Variants in ATP5PB observed in about 807,000 individuals in gnomAD.
ATP5PB encodes the protein ATP synthase peripheral stalk subunit b, mitochondrial.
In ATP5PB, 21 loss-of-function variants were observed where a neutral mutation model predicts 34.5. The observed-to-expected ratio is 0.61, with a 90% CI of 0.43 to 0.88. ATP5PB has a LOEUF of 0.88. Among genes scored for constraint, ATP5PB ranks in the 40% least tolerant of loss-of-function variants. The pLI is 0.00. For synonymous variants in ATP5PB, 108 were observed against 114.1 expected (o/e 0.95, Z 0.34); for missense variants, 293 against 317.4 (o/e 0.92, Z 0.58).
chr1:111,451,215 C>T (rs950532047), intron 2 of ATP5PB, among the ~76,000 whole-genome samples: 1 of 152,172 alleles, frequency 6.6e-6, no homozygotes, highest in African/African-American at 2.4e-5. Flanking sequence ...TCCATCCTAT[C>T]TCTTGACACC....
chr1:111,455,907 C>T (rs74972531), intron 3 of ATP5PB, among the ~76,000 whole-genome samples, 179 bp from the exon 4 acceptor site: 2,039 of 152,300 alleles, frequency 0.013, 43 homozygotes, highest in African/African-American at 0.047. Flanking sequence ...ACAGATTTCC[C>T]TGAGTCCATA....
At chr1:111,456,380 G>A (rs1358151033) in intron 4 of ATP5PB, 131 bp downstream of exon 4, 8 of 1,130,470 alleles carry the variant, frequency 7.1e-6, no homozygotes, top group African/African-American at 1.6e-5. Flanking sequence ...AAGTGTTAAC[G>A]TTAGTTACTA....
Position 111,462,566 on chromosome 1 carries a change from C to A in ATP5PB, c.*1572C>A, listed in dbSNP as rs570968197. The A allele has an allele frequency of 6.6e-6, 1 of 152,034 alleles. No homozygotes were observed. Among genetic ancestry groups the A allele is most frequent in the South Asian group, 2.1e-4 (1 of 4,828 alleles). 9.4% of individuals were successfully genotyped at this position (152,034 alleles called of 1,614,324 possible). On this transcript the variant is annotated 3_prime_UTR_variant, in exon 7 of 7. Coordinates refer to ENST00000369722, the MANE Select transcript of ATP5PB (RefSeq NM_001688.5). ...TATTTGTATTCAAATGGACAAATTA[C>A]GCAATAGGAAATATTTGAAAATATT...
In ATP5PB at chr1:111,456,112, A is replaced by T; in HGVS notation, c.250A>T (p.Ile84Phe). The T allele has an allele frequency of 6.2e-7, 1 of 1,608,800 alleles. No homozygotes were observed. Among genetic ancestry groups the T allele is most frequent in the Non-Finnish European group, 8.5e-7 (1 of 1,177,940 alleles). The change falls in exon 4 of 7, where the codon ATC becomes TTC. Residue 84 changes from isoleucine to phenylalanine, a missense_variant. By Grantham distance (21) the Ile-to-Phe change is conservative. Transcript: ENST00000369722. Reference protein sequence around the residue: ...TGPYVLGTGLILYALSKEIYV... With the variant: ...TGPYVLGTGLFLYALSKEIYV... ...ACCCTATGTACTCGGAACTGGGCTT[A>T]TCTTGTACGCTTTATCCAAAGAAAT...
Position 111,449,722 on chromosome 1 carries a change from C to T in ATP5PB, c.41-115C>T, listed in dbSNP as rs184559836. The T allele has an allele frequency of 4.6e-5, 73 of 1,572,770 alleles. 1 individual carries two copies. The East Asian group carries it at 1.6e-3, about 35-fold the overall frequency. On this transcript the variant is annotated intron_variant, in intron 1 of 6. Transcript: ENST00000369722. ...TGCAGTTCGGAAGGGAGCGTGGGGT[C>T]TTGAGGGACGGGAAAGAGGGGTACA...
rs1240989272 is a variant in ATP5PB at position 111,454,463 on chromosome 1, TTGTTG to T, written c.223+109_223+113del. 241 of 1,389,418 alleles carry T rather than the reference TTGTTG, an allele frequency of 1.7e-4. No individual in the cohort carries two copies. The African/African-American group carries it at 4.1e-3, about 24-fold the overall frequency. 86.1% of individuals were successfully genotyped at this position (1,389,418 alleles called of 1,614,324 possible). On this transcript the variant is annotated intron_variant, in intron 3 of 6. Coordinates refer to ENST00000369722, the MANE Select transcript of ATP5PB (RefSeq NM_001688.5). ...TTTGTTGTTGTTGTTGTTGTTGTTG[TTGTTG>T]TTTTTTGAGACAGGGTATTACTCTA...
In ATP5PB at chr1:111,459,496, C is replaced by T. The variant is rs760514793; in HGVS notation, c.553C>T (p.Arg185Ter). The T allele has an allele frequency of 5.0e-6, 8 of 1,611,934 alleles. No homozygotes were observed. The highest frequency in any genetic ancestry group is 1.7e-5 in the Admixed American group (1 of 59,832). The change falls in exon 6 of 7, where the codon CGA becomes TGA. Residue 185 changes from arginine to a stop codon, truncating the protein, a stop_gained. Coordinates refer to ENST00000369722, the MANE Select transcript of ATP5PB (RefSeq NM_001688.5). LOFTEE classifies it high-confidence loss of function. ...GGCTTTGGAAGTTACTTACCGGGAA[C>T]GACTGTATAGAGTATATAAGGAAGT... ...AMALEVTYRE[R>*]LYRVYKEVKN...
chr1:111,459,233 A>G (rs1653553501), intron 5 of ATP5PB, among the ~76,000 whole-genome samples: 1 of 152,180 alleles, frequency 6.6e-6, no homozygotes, highest in Non-Finnish European at 1.5e-5. Flanking sequence ...CAGGAAGTTA[A>G]TGGCCTATGG....
At position 111,456,226 on chromosome 1, in the gene ATP5PB, G is replaced by A; in HGVS notation, c.364G>A (p.Asp122Asn). Reference sequence around the variant, plus strand: ...TAAAAAATATGGTCCCTTTGTTGCAGACTTTGCTGATAAACTCAATGAGGT... The same window carrying A: ...TAAAAAATATGGTCCCTTTGTTGCAAACTTTGCTGATAAACTCAATGAGGT... ...GIKKYGPFVA[D>N]FADKLNEQKL... Residue 122 changes from aspartate (D) to asparagine (N), a missense_variant, in exon 4 of 7, where the codon GAC becomes AAC. Transcript: ENST00000369722. 3.1e-6 allele frequency: 5 copies of A among 1,603,682 alleles called. No individual in the cohort carries two copies. Among genetic ancestry groups the A allele is most frequent in the Non-Finnish European group, 4.3e-6 (5 of 1,176,200 alleles).
At chr1:111,457,651 C>A (rs148461577) in intron 5 of ATP5PB, among the ~76,000 whole-genome samples, 1 of 151,978 alleles carries the variant, frequency 6.6e-6, no homozygotes, top group Non-Finnish European at 1.5e-5. Flanking sequence ...AGGATCTTGG[C>A]CAATGTGGTC....
In ATP5PB at chr1:111,460,433, A is replaced by G. The variant is rs1217050886; in HGVS notation, c.694-484A>G. ...CAGGATTAGAAAAACAGTGTCTATC[A>G]AAGTTTTTTTTTTTTTTTTGATAAA... On this transcript the variant is annotated intron_variant, in intron 6 of 6. Transcript: ENST00000369722. 1.1e-4 allele frequency among the ~76,000 whole-genome samples: 16 copies of G among 147,962 alleles called. No homozygotes were observed. The East Asian group carries it at 3.1e-3, about 29-fold the overall frequency.
intron 5 of ATP5PB, among the ~76,000 whole-genome samples, chr1:111,458,351 G>A (rs988838359): frequency 2.6e-5 from 4 of 152,178 alleles, no homozygotes; most frequent in African/African-American, 9.7e-5. Context: ...AATTGCAGGA[G>A]GAGGGAGTCA....
intron 5 of ATP5PB, among the ~76,000 whole-genome samples, chr1:111,458,248 A>G (rs571255719): frequency 9.9e-5 from 15 of 152,214 alleles, no homozygotes; most frequent in Non-Finnish European, 2.2e-4. Context: ...GCTCATGCCT[A>G]TAATCTCAGC....
chr1:111,450,408 A>G (rs549811089), intron 2 of ATP5PB, among the ~76,000 whole-genome samples: 176 of 152,342 alleles, frequency 1.2e-3, no homozygotes, highest in African/African-American at 4.0e-3. Flanking sequence ...CTCACAGTCT[A>G]GGAATGGGAG....
chr1:111,450,436 G>A (rs1190804125), intron 2 of ATP5PB, among the ~76,000 whole-genome samples: 1 of 152,214 alleles, frequency 6.6e-6, no homozygotes, highest in Non-Finnish European at 1.5e-5. Context: ...AAGAGTATTG[G>A]TTTAGAGTGA....
At chr1:111,456,585 C>T (rs1235171792) in intron 4 of ATP5PB, 45 bp from the exon 5 acceptor site, 11 of 1,579,478 alleles carry the variant, frequency 7.0e-6, no homozygotes, top group Admixed American at 3.7e-5. Context: ...CTTTTTTTAC[C>T]CTTTGTGCTT....
intron 2 of ATP5PB, among the ~76,000 whole-genome samples, chr1:111,453,887 A>G (rs1352649098): frequency 6.6e-6 from 1 of 152,240 alleles, no homozygotes; most frequent in Non-Finnish European, 1.5e-5. Context: ...TGAACTCAAG[A>G]TGCCTATCTG....
At position 111,456,123 on chromosome 1, in the gene ATP5PB, T is replaced by C; in HGVS notation, c.261T>C (p.Ala87=). Residue 87 remains alanine, a synonymous_variant, in exon 4 of 7, where the codon GCT becomes GCC. Transcript: ENST00000369722. ...YVLGTGLILY[A]LSKEIYVISA... is the part of the protein sequence containing the mutation. ...TCGGAACTGGGCTTATCTTGTACGC[T>C]TTATCCAAAGAAATATATGTGATTA... is the stretch of plus-strand genomic sequence containing the variant. 6.2e-7 allele frequency: 1 copy of C among 1,611,078 alleles called. No homozygotes were observed. Among genetic ancestry groups the C allele is most frequent in the Non-Finnish European group, 8.5e-7 (1 of 1,178,790 alleles).
At chr1:111,449,969 T>C (rs1348961199) in intron 2 of ATP5PB, 96 bp downstream of exon 2, 2 of 1,527,084 alleles carry the variant, frequency 1.3e-6, no homozygotes, top group Non-Finnish European at 1.8e-6. Context: ...GTCAGAAATT[T>C]CTTTCCGATA....
Sources: gnomAD v4.1 joint callset for allele counts (sites outside exome capture counted in the v4.1 genomes callset) on GRCh38, gnomAD v4.1.1 for gene constraint, MANE v1.5 for transcripts, NCBI Gene and HGNC (gene_info 2026-07-23, HGNC 2026-07-21) for gene names.